PTPRD: variants seen among roughly 807,000 people sequenced by gnomAD.
PTPRD encodes the protein protein tyrosine phosphatase receptor type D.
Under a neutral mutation model 214.5 loss-of-function variants are expected in PTPRD, and 34 were observed. That is an observed-to-expected ratio of 0.16 (90% confidence interval 0.12 to 0.21). PTPRD has a LOEUF of 0.21. Ranked by LOEUF, PTPRD falls within the 10% of genes least tolerant of loss-of-function variation. PTPRD has a pLI of 1.00. For synonymous variants in PTPRD, 1,128 were observed against 845.7 expected, an observed-to-expected ratio of 1.33 and a Z score of -5.79; for missense variants, 2,545 against 2,398.7, an observed-to-expected ratio of 1.06 and a Z score of -1.27.
chr9:9,338,644 C>G (rs79232985), intron 9 of PTPRD, among the ~76,000 whole-genome samples: 3 of 152,112 alleles, frequency 2.0e-5, no homozygotes, highest in Non-Finnish European at 2.9e-5. Context: ...TTTTTAAAAT[C>G]TAAAGCCTTC....
intron 9 of PTPRD, among the ~76,000 whole-genome samples, chr9:9,202,977 T>C (rs1402896464): frequency 6.6e-6 from 1 of 152,206 alleles, no homozygotes; most frequent in South Asian, 2.1e-4. Flanking sequence ...GTTATCCCCA[T>C]TGATTCTCAC....
At chr9:9,246,432 T>C (rs1450446586) in intron 9 of PTPRD, among the ~76,000 whole-genome samples, 1 of 152,040 alleles carries the variant, frequency 6.6e-6, no homozygotes, top group Non-Finnish European at 1.5e-5. Context: ...TATGGGCTGC[T>C]TAGAAAAGTT....
chr9:9,730,860 G>C (rs1357067972), intron 7 of PTPRD, among the ~76,000 whole-genome samples: 1 of 152,072 alleles, frequency 6.6e-6, no homozygotes, highest in Non-Finnish European at 1.5e-5. Context: ...AAAGCACCTA[G>C]CATTGCACCT....
chr9:9,740,021 A>T (rs1172971978), intron 6 of PTPRD, among the ~76,000 whole-genome samples: 1 of 152,110 alleles, frequency 6.6e-6, no homozygotes, highest in Non-Finnish European at 1.5e-5. Context: ...CAAAGCACTT[A>T]CTCTATGTAA....
intron 3 of PTPRD, among the ~76,000 whole-genome samples, chr9:10,146,619 T>G (rs1215740628): frequency 6.6e-6 from 1 of 152,172 alleles, no homozygotes; most frequent in East Asian, 1.9e-4. Context: ...AAATTTTTTC[T>G]AAAGCCCTTT....
intron 42 of PTPRD, among the ~76,000 whole-genome samples, chr9:8,339,945 G>A (rs1250684542): frequency 6.6e-6 from 1 of 152,026 alleles, no homozygotes; most frequent in Non-Finnish European, 1.5e-5. Context: ...TGAAAGGTAG[G>A]CAAGTAAGAA....
At chr9:8,795,102 C>A (rs1217872035) in intron 11 of PTPRD, among the ~76,000 whole-genome samples, 3 of 152,046 alleles carry the variant, frequency 2.0e-5, no homozygotes, top group Admixed American at 1.3e-4. Flanking sequence ...ATTTTAATTT[C>A]TTGGGCACTA....
At chr9:9,696,293 G>C (rs907916301) in intron 7 of PTPRD, among the ~76,000 whole-genome samples, 1 of 152,120 alleles carries the variant, frequency 6.6e-6, no homozygotes, top group East Asian at 1.9e-4. Flanking sequence ...TGGATGAAAT[G>C]TTCTACAAAT....
rs1419892266 is a variant in PTPRD at position 8,341,796 on chromosome 9, C to A, written c.4844G>T (p.Cys1615Phe). The change falls in exon 40 of 46, where the codon TGT (cysteine) becomes TTT (phenylalanine). Residue 1615 changes from cysteine to phenylalanine, a missense_variant. Coordinates refer to ENST00000381196, the MANE Select transcript of PTPRD (RefSeq NM_002839.4). ...IHDALLEAVT[C>F]GNTEVPARNL... ...TCTAGCTGGCACTTCGGTATTTCCA[C>A]AAGTCACTGCTTCTAACAGTGCATC... 2.5e-6 allele frequency: 4 copies of A among 1,613,492 alleles called. No homozygotes were observed. The highest frequency in any genetic ancestry group is 3.4e-6 in the Non-Finnish European group (4 of 1,179,736).
intron 2 of PTPRD, among the ~76,000 whole-genome samples, chr9:10,579,271 T>TC (rs2070790298): frequency 6.6e-6 from 1 of 152,138 alleles, no homozygotes. Context: ...TTTTTTGCCC[T>TC]CCCACTCCCC....
intron 5 of PTPRD, among the ~76,000 whole-genome samples, chr9:9,890,755 G>T (rs933771615): frequency 2.6e-5 from 4 of 151,938 alleles, no homozygotes; most frequent in African/African-American, 9.7e-5. Flanking sequence ...ATCGGAAGGG[G>T]TGTAATTTCC....
intron 2 of PTPRD, among the ~76,000 whole-genome samples, chr9:10,563,831 T>C (rs2064770326): frequency 6.6e-6 from 1 of 151,756 alleles, no homozygotes; most frequent in Non-Finnish European, 1.5e-5. Flanking sequence ...AGTGACATAA[T>C]TATTTATTTA....
At chr9:9,413,802 T>G (rs943364375) in intron 8 of PTPRD, among the ~76,000 whole-genome samples, 1 of 152,190 alleles carries the variant, frequency 6.6e-6, no homozygotes, top group Non-Finnish European at 1.5e-5. Context: ...GATAACATTT[T>G]TAAAGTAGTA....
intron 5 of PTPRD, among the ~76,000 whole-genome samples, chr9:9,865,815 C>T (rs746524252): frequency 1.3e-5 from 2 of 152,134 alleles, no homozygotes; most frequent in Non-Finnish European, 2.9e-5. Flanking sequence ...TCCATTTTAG[C>T]CGATTAAAGA....
chr9:9,665,744 A>G (rs905466571), intron 7 of PTPRD, among the ~76,000 whole-genome samples: 79 of 151,830 alleles, frequency 5.2e-4, no homozygotes, highest in African/African-American at 1.9e-3. Flanking sequence ...TTAATGTAAA[A>G]GTGAAGTCTT....
chr9:10,115,064 G>A (rs1007286604), intron 3 of PTPRD, among the ~76,000 whole-genome samples: 2 of 151,316 alleles, frequency 1.3e-5, no homozygotes, highest in Non-Finnish European at 2.9e-5. Flanking sequence ...AACCTTCAAA[G>A]TGCTATCTCT....
chr9:10,388,262 A>G (rs1189930982), intron 2 of PTPRD, among the ~76,000 whole-genome samples: 1 of 151,880 alleles, frequency 6.6e-6, no homozygotes, highest in African/African-American at 2.4e-5. Flanking sequence ...TTAGCTTTAT[A>G]TAGAATCTGG....
At chr9:8,847,896 A>T (rs948978765) in intron 11 of PTPRD, among the ~76,000 whole-genome samples, 1 of 152,194 alleles carries the variant, frequency 6.6e-6, no homozygotes, top group African/African-American at 2.4e-5. Flanking sequence ...AATAAGCAGA[A>T]TGCATATATA....
chr9:9,007,404 C>A (rs1225542987), intron 11 of PTPRD, among the ~76,000 whole-genome samples: 3 of 151,516 alleles, frequency 2.0e-5, no homozygotes, highest in African/African-American at 2.4e-5. Flanking sequence ...TTAATAAAAT[C>A]TAAGAGAAAA....
Sources: gnomAD v4.1 joint callset for allele counts (sites outside exome capture counted in the v4.1 genomes callset) on GRCh38, gnomAD v4.1.1 for gene constraint, MANE v1.5 for transcripts, NCBI Gene and HGNC (gene_info 2026-07-23, HGNC 2026-07-21) for gene names.